Variants in ST6GAL1 observed in about 807,000 individuals in gnomAD.
ST6GAL1 encodes beta-galactoside alpha-2,6-sialyltransferase 1.
ST6GAL1 carries 20 observed loss-of-function variants against 38.0 expected under a neutral mutation model. The observed-to-expected ratio is 0.53, with a 90% confidence interval of 0.37 to 0.77. The LOEUF (loss-of-function observed/expected upper bound fraction) is 0.77, where lower values mean the gene tolerates loss of function less well. Among genes scored for constraint, ST6GAL1 ranks in the 30% least tolerant of loss-of-function variants. The pLI is 0.00. For synonymous variants in ST6GAL1, 196 were observed against 188.2 expected, an observed-to-expected ratio of 1.04 and a Z score of -0.34; for missense variants, 432 against 496.4, an observed-to-expected ratio of 0.87 and a Z score of 1.23.
intron 5 of ST6GAL1, among the ~76,000 whole-genome samples, chr3:187,051,836 C>T (rs905230578): frequency 2.6e-5 from 4 of 152,062 alleles, no homozygotes; most frequent in Non-Finnish European, 5.9e-5. Context: ...TAATTAGGTT[C>T]CCGGAGTATT....
At chr3:186,997,379 A>C (rs1212292621) in intron 2 of ST6GAL1, among the ~76,000 whole-genome samples, 2 of 152,170 alleles carry the variant, frequency 1.3e-5, no homozygotes, top group African/African-American at 4.8e-5. Flanking sequence ...CAGTCTTCTA[A>C]GCCTAGTTCC....
intron 2 of ST6GAL1, among the ~76,000 whole-genome samples, chr3:187,037,779 A>AT (rs898125690): frequency 6.6e-6 from 1 of 151,958 alleles, no homozygotes; most frequent in African/African-American, 2.4e-5. Context: ...ACTTTTGTAC[A>AT]TTTTTTCAAA....
Position 186,940,099 on chromosome 3 carries a change from G to T in ST6GAL1, c.-325+9265G>T, listed in dbSNP as rs148448532. On this transcript the variant is annotated intron_variant, in intron 1 of 7. Transcript: ENST00000169298. ...GGGACACCCATTATTTCAAGACCTGGACTGTGACTTGTGGTCTCTGGCTGT... is the reference window on the plus strand; with the variant it reads ...GGGACACCCATTATTTCAAGACCTGTACTGTGACTTGTGGTCTCTGGCTGT... 2.0e-5 allele frequency among the ~76,000 whole-genome samples: 3 copies of T among 152,244 alleles called. No homozygotes were observed. The East Asian group carries it at 5.8e-4, about 29-fold the overall frequency.
intron 5 of ST6GAL1, among the ~76,000 whole-genome samples, chr3:187,059,702 T>C (rs1228350020): frequency 2.0e-5 from 3 of 152,188 alleles, no homozygotes; most frequent in Non-Finnish European, 4.4e-5. Context: ...TGCAAAGCAC[T>C]TAGAACAATA....
chr3:186,956,026 T>G (rs1440507351), intron 1 of ST6GAL1, among the ~76,000 whole-genome samples: 1 of 152,120 alleles, frequency 6.6e-6, no homozygotes, highest in Non-Finnish European at 1.5e-5. Context: ...TAACACAGCT[T>G]GCTAGTGTAG....
intron 1 of ST6GAL1, among the ~76,000 whole-genome samples, chr3:186,935,171 C>G (rs2108512338): frequency 6.6e-6 from 1 of 152,176 alleles, no homozygotes; most frequent in East Asian, 1.9e-4. Flanking sequence ...CTCCACCCTT[C>G]AAGAAGGCCC....
chr3:187,032,701 G>T (rs757992041), intron 2 of ST6GAL1, among the ~76,000 whole-genome samples: 30 of 152,104 alleles, frequency 2.0e-4, no homozygotes, highest in Admixed American at 2.6e-4. Context: ...AATGTCAGAG[G>T]GATAACTATC....
At chr3:187,068,921 C>T (rs1719265273) in intron 5 of ST6GAL1, among the ~76,000 whole-genome samples, 1 of 152,212 alleles carries the variant, frequency 6.6e-6, no homozygotes, top group Non-Finnish European at 1.5e-5. Context: ...GCCTCCCTGT[C>T]ACCAGCTCAG....
chr3:187,003,311 C>T (rs908041233), intron 2 of ST6GAL1, among the ~76,000 whole-genome samples: 2 of 152,174 alleles, frequency 1.3e-5, no homozygotes, highest in African/African-American at 2.4e-5. Context: ...TAAGGCCCAC[C>T]GTTAGAGAGG....
intron 5 of ST6GAL1, among the ~76,000 whole-genome samples, chr3:187,065,432 A>G (rs572450223): frequency 2.3e-3 from 357 of 152,366 alleles, no homozygotes; most frequent in Non-Finnish European, 4.0e-3. Flanking sequence ...GAATGGTGTC[A>G]TACTGTTAGG....
chr3:186,932,761 CT>C (rs11293711), intron 1 of ST6GAL1, among the ~76,000 whole-genome samples: 144,716 of 152,136 alleles, frequency 0.95, 69,225 homozygotes, highest in East Asian at 1. Context: ...ATTAAAGTTA[CT>C]TTTTTTTTAA....
At chr3:187,073,441 AT>A in intron 6 of ST6GAL1, 1 of 164,280 alleles carries the variant, frequency 6.1e-6, no homozygotes, top group Non-Finnish European at 1.3e-5. Flanking sequence ...AAAGTCCCCC[AT>A]TCCAGGACTT....
chr3:187,028,457 T>C (rs1012951845), intron 2 of ST6GAL1, among the ~76,000 whole-genome samples: 51 of 152,352 alleles, frequency 3.3e-4, no homozygotes, highest in African/African-American at 1.2e-3. Context: ...AAAAATGACA[T>C]TGCATTATTT....
At position 187,014,247 on chromosome 3, in the gene ST6GAL1, C is replaced by T. The variant is rs79234380; in HGVS notation, c.-182-24495C>T. Among the ~76,000 whole-genome samples, 257 of 152,310 alleles carry T rather than the reference C, an allele frequency of 1.7e-3. 2 individuals are homozygous for T. In the East Asian group the frequency reaches 0.026, roughly 15 times the overall value. On this transcript the variant is annotated intron_variant, in intron 2 of 7. Transcript: ENST00000169298. ...ATTGCATGCTGATTAATAATAAAGC[C>T]GGGATCCAAATCTAGATTTGTCTGA...
intron 2 of ST6GAL1, among the ~76,000 whole-genome samples, chr3:186,980,948 C>T (rs962223745): frequency 1.3e-5 from 2 of 152,116 alleles, no homozygotes; most frequent in Non-Finnish European, 2.9e-5. Flanking sequence ...AGCTGTTCTT[C>T]AGGGACCCAT....
chr3:186,958,322 CTT>C (rs1449859956), intron 1 of ST6GAL1, among the ~76,000 whole-genome samples: 3 of 151,986 alleles, frequency 2.0e-5, no homozygotes, highest in East Asian at 3.9e-4. Flanking sequence ...AATAATGTAA[CTT>C]AATAATATAG....
chr3:187,073,299 A>G (rs1719448226), intron 6 of ST6GAL1: 1 of 205,316 alleles, frequency 4.9e-6, no homozygotes, highest in African/African-American at 2.3e-5. Context: ...TGTAAATAAT[A>G]TTAGCACACT....
chr3:186,979,259 G>C (rs891319291), intron 2 of ST6GAL1, among the ~76,000 whole-genome samples: 1 of 152,136 alleles, frequency 6.6e-6, no homozygotes, highest in Non-Finnish European at 1.5e-5. Flanking sequence ...GATACCCTGA[G>C]GCCTAGCGTT....
chr3:187,014,709 T>C (rs535336640), intron 2 of ST6GAL1, among the ~76,000 whole-genome samples: 1 of 152,342 alleles, frequency 6.6e-6, no homozygotes, highest in South Asian at 2.1e-4. Context: ...CCTCTCCCAT[T>C]TGCGGTTCCT....
Sources: gnomAD v4.1 joint callset for allele counts (sites outside exome capture counted in the v4.1 genomes callset) on GRCh38, gnomAD v4.1.1 for gene constraint, MANE v1.5 for transcripts, NCBI Gene and HGNC (gene_info 2026-07-23, HGNC 2026-07-21) for gene names.